Variants in PPP2R2C observed in about 807,000 individuals in gnomAD.
The protein encoded by PPP2R2C is protein phosphatase 2 regulatory subunit Bgamma, also known as protein phosphatase 2, regulatory subunit B, gamma.
A neutral mutation model predicts 45.3 loss-of-function variants in PPP2R2C; 10 were observed. The ratio of observed to expected loss-of-function variants is 0.22; its 90% confidence interval spans 0.14 to 0.37. PPP2R2C has a LOEUF of 0.37. Among genes scored for constraint, PPP2R2C ranks in the 10% least tolerant of loss-of-function variants. The probability of loss-of-function intolerance (pLI) is 1.00; values close to 1 mark genes in which losing one functional copy is unlikely to be tolerated. For synonymous variants in PPP2R2C, 257 were observed against 245.4 expected (o/e 1.05, Z -0.44); for missense variants, 308 against 619.7 (o/e 0.50, Z 5.34).
intron 1 of PPP2R2C, among the ~76,000 whole-genome samples, chr4:6,537,304 G>C (rs1024527850): frequency 6.6e-6 from 1 of 152,298 alleles, no homozygotes; most frequent in Middle Eastern, 3.4e-3. Flanking sequence ...TCAGTGCAGA[G>C]AAATGTCTGG....
At chr4:6,357,214 C>T (rs1401592551) in intron 5 of PPP2R2C, among the ~76,000 whole-genome samples, 6 of 152,152 alleles carry the variant, frequency 3.9e-5, no homozygotes, top group Admixed American at 3.9e-4. Context: ...GTCACAGCTG[C>T]AGTCATGGGC....
intron 5 of PPP2R2C, among the ~76,000 whole-genome samples, chr4:6,359,951 T>A (rs1181926081): frequency 6.6e-6 from 1 of 152,238 alleles, no homozygotes; most frequent in Admixed American, 6.5e-5. Flanking sequence ...TGCAAAGCAC[T>A]CCACAAACGC....
At position 6,375,949 on chromosome 4, in the gene PPP2R2C, A is replaced by C. The variant is rs1328199109; in HGVS notation, c.335-18T>G. The C allele has an allele frequency of 6.3e-7, 1 of 1,590,866 alleles. No homozygotes were observed. The highest frequency in any genetic ancestry group is 2.2e-5 in the East Asian group (1 of 44,796). On this transcript the variant is annotated intron_variant, in intron 3 of 8. Transcript: ENST00000382599. Reference sequence around the variant, plus strand: ...AGTTTTATCTTTAAAAACAGAACAAAATAAAGCGAGTCACATAATTAAGCA... The same window carrying C: ...AGTTTTATCTTTAAAAACAGAACAACATAAAGCGAGTCACATAATTAAGCA...
rs540483724 is a variant in PPP2R2C, at chr4:6,356,685, T to C, written c.626-8675A>G. Reference sequence around the variant, plus strand: ...GACCAGGCTCAGAGTGGGCGCTCTGTAGGTGAGCTGCTGAGAAGGTCTGCG... The same window carrying C: ...GACCAGGCTCAGAGTGGGCGCTCTGCAGGTGAGCTGCTGAGAAGGTCTGCG... On this transcript the variant is annotated intron_variant, in intron 5 of 8. Transcript: ENST00000382599. Among the ~76,000 whole-genome samples, 3 of 152,362 alleles carry C rather than the reference T, an allele frequency of 2.0e-5. No homozygotes were observed. In the South Asian group the frequency reaches 6.2e-4, roughly 32 times the overall value.
chr4:6,344,272 G>C (rs900261565), intron 6 of PPP2R2C, among the ~76,000 whole-genome samples: 12 of 152,230 alleles, frequency 7.9e-5, no homozygotes, highest in African/African-American at 2.9e-4. Context: ...GGAGCTGGGG[G>C]TGAAGAATGA....
At chr4:6,453,477 G>GCCCAC (rs1436551734) in intron 1 of PPP2R2C, among the ~76,000 whole-genome samples, 29 of 150,802 alleles carry the variant, frequency 1.9e-4, no homozygotes, top group Admixed American at 3.3e-4. Context: ...GCTGGAAACT[G>GCCCAC]CCCACCCCAC....
At chr4:6,474,543 T>C (rs889268563), upstream of PPP2R2C, among the ~76,000 whole-genome samples, 1 of 152,146 alleles carries the variant, frequency 6.6e-6, no homozygotes, top group African/African-American at 2.4e-5. Flanking sequence ...CACCCTATGC[T>C]GGCATCAGCC....
chr4:6,536,432 C>A (rs139374092), intron 1 of PPP2R2C, among the ~76,000 whole-genome samples: 1 of 151,800 alleles, frequency 6.6e-6, no homozygotes, highest in Non-Finnish European at 1.5e-5. Flanking sequence ...GAAACACACA[C>A]GAAGAAAGAA....
chr4:6,396,245 C>G (rs111991187), intron 1 of PPP2R2C, among the ~76,000 whole-genome samples: 2,618 of 152,288 alleles, frequency 0.017, 86 homozygotes, highest in African/African-American at 0.058. Context: ...ATCAGGCCAG[C>G]CCCTGGTCCT....
chr4:6,551,276 A>C (rs1295763001), intron 1 of PPP2R2C, among the ~76,000 whole-genome samples: 1 of 152,188 alleles, frequency 6.6e-6, no homozygotes, highest in Non-Finnish European at 1.5e-5. Context: ...ACATGCTCCT[A>C]ATGTGCTCTC....
intron 2 of PPP2R2C, among the ~76,000 whole-genome samples, chr4:6,493,444 G>A (rs895038269): frequency 6.6e-6 from 1 of 151,764 alleles, no homozygotes; most frequent in African/African-American, 2.4e-5. Context: ...GGAGGTAGCA[G>A]CACAGCTTAG....
chr4:6,401,313 C>T (rs1040607434), intron 1 of PPP2R2C, among the ~76,000 whole-genome samples: 6 of 152,124 alleles, frequency 3.9e-5, no homozygotes, highest in African/African-American at 1.2e-4. Flanking sequence ...CTGGCCAATA[C>T]CTAATGAAGC....
At chr4:6,500,017 A>C (rs1722997542) in intron 2 of PPP2R2C, among the ~76,000 whole-genome samples, 1 of 152,186 alleles carries the variant, frequency 6.6e-6, no homozygotes, top group Non-Finnish European at 1.5e-5. Context: ...ACTAGTTGTG[A>C]GCTTCAGGAG....
chr4:6,334,966 T>C (rs571010778), intron 6 of PPP2R2C, among the ~76,000 whole-genome samples: 1 of 152,138 alleles, frequency 6.6e-6, no homozygotes, highest in South Asian at 2.1e-4. Context: ...CACCCCATTC[T>C]CCCTCCTGTC....
At chr4:6,325,309 G>C (rs1171957209) in intron 8 of PPP2R2C, among the ~76,000 whole-genome samples, 1 of 152,168 alleles carries the variant, frequency 6.6e-6, no homozygotes, top group Non-Finnish European at 1.5e-5. Context: ...GGTACTCCTC[G>C]ATCCTAATCG....
intron 1 of PPP2R2C, among the ~76,000 whole-genome samples, chr4:6,433,672 G>A (rs1271128872): frequency 1.3e-5 from 2 of 152,150 alleles, no homozygotes; most frequent in Non-Finnish European, 2.9e-5. Context: ...CACTATAATA[G>A]CTAATTTGAC....
intron 1 of PPP2R2C, among the ~76,000 whole-genome samples, chr4:6,405,169 G>A (rs1717712380): frequency 6.6e-6 from 1 of 152,198 alleles, no homozygotes. Context: ...CCCCCTGGAA[G>A]GTAGCTGCTA....
intron 1 of PPP2R2C, among the ~76,000 whole-genome samples, chr4:6,389,874 C>T (rs886344905): frequency 6.6e-6 from 1 of 152,136 alleles, no homozygotes. Context: ...TGGATTCCAG[C>T]GGTCTGCCTC....
chr4:6,561,575 T>C (rs1366842879), intron 1 of PPP2R2C, among the ~76,000 whole-genome samples: 2 of 152,166 alleles, frequency 1.3e-5, no homozygotes, highest in African/African-American at 4.8e-5. Flanking sequence ...TTTTGCAATT[T>C]TTTTATTCCA....
Sources: gnomAD v4.1 joint callset for allele counts (sites outside exome capture counted in the v4.1 genomes callset) on GRCh38, gnomAD v4.1.1 for gene constraint, MANE v1.5 for transcripts, NCBI Gene and HGNC (gene_info 2026-07-23, HGNC 2026-07-21) for gene names.